Variants in PTPRD observed in about 807,000 individuals in gnomAD.
PTPRD encodes receptor-type tyrosine-protein phosphatase delta.
In PTPRD, 34 loss-of-function variants were observed where a neutral mutation model predicts 214.5. The observed-to-expected ratio is 0.16, with a 90% CI of 0.12 to 0.21. PTPRD has a LOEUF of 0.21. Ranked by LOEUF, PTPRD falls within the 10% of genes least tolerant of loss-of-function variation. PTPRD has a pLI of 1.00. For missense variants in PTPRD, 2,545 were observed against 2,398.7 expected (o/e 1.06, Z -1.27); for synonymous variants, 1,128 against 845.7 (o/e 1.33, Z -5.79).
At chr9:9,198,945 T>C (rs747517646) in intron 9 of PTPRD, among the ~76,000 whole-genome samples, 4 of 152,186 alleles carry the variant, frequency 2.6e-5, no homozygotes, top group Admixed American at 2.0e-4. Flanking sequence ...ATCAAGCAAC[T>C]TGGGTGACTT....
chr9:8,377,030 A>T (rs2083451557), intron 37 of PTPRD, among the ~76,000 whole-genome samples: 1 of 152,130 alleles, frequency 6.6e-6, no homozygotes, highest in African/African-American at 2.4e-5. Flanking sequence ...GTGAGCTTGA[A>T]GAGAAAACAA....
chr9:9,802,709 G>A lies in PTPRD; in HGVS notation c.-367-35858C>T, dbSNP rs537339263. On this transcript the variant is annotated intron_variant, in intron 5 of 45. Coordinates refer to ENST00000381196, the MANE Select transcript of PTPRD (RefSeq NM_002839.4). ...CCAGAATAGGACCTAGCTTATAGTT[G>A]GAGCTCAATAAATGCTTGTTGAATG... 3.3e-5 allele frequency among the ~76,000 whole-genome samples: 5 copies of A among 151,458 alleles called. No individual in the cohort carries two copies. In the East Asian group the frequency reaches 7.8e-4, roughly 24 times the overall value.
At chr9:8,970,678 A>C (rs2099232331) in intron 11 of PTPRD, among the ~76,000 whole-genome samples, 1 of 151,858 alleles carries the variant, frequency 6.6e-6, no homozygotes, top group South Asian at 2.1e-4. Flanking sequence ...GACATTACAA[A>C]AACTCAAATC....
chr9:10,512,320 T>G (rs1479757881), intron 2 of PTPRD, among the ~76,000 whole-genome samples: 1 of 151,844 alleles, frequency 6.6e-6, no homozygotes, highest in Non-Finnish European at 1.5e-5. Context: ...GAGTAGAAGA[T>G]TTCAAGAAAC....
intron 2 of PTPRD, among the ~76,000 whole-genome samples, chr9:10,563,782 A>G (rs1489323914): frequency 1.3e-5 from 2 of 152,026 alleles, no homozygotes; most frequent in Admixed American, 6.6e-5. Context: ...GATGTTGAGT[A>G]AAACAATTTT....
At chr9:8,655,381 G>T (rs1334403538) in intron 12 of PTPRD, among the ~76,000 whole-genome samples, 1 of 152,158 alleles carries the variant, frequency 6.6e-6, no homozygotes, top group African/African-American at 2.4e-5. Flanking sequence ...AGAATTTATT[G>T]TAACTTAGGG....
intron 5 of PTPRD, among the ~76,000 whole-genome samples, chr9:9,804,328 G>A (rs942324347): frequency 6.6e-6 from 1 of 151,980 alleles, no homozygotes; most frequent in African/African-American, 2.4e-5. Context: ...CTTGGAAATG[G>A]CTGGAAATAT....
intron 5 of PTPRD, among the ~76,000 whole-genome samples, chr9:9,785,785 A>G (rs2098918594): frequency 6.6e-6 from 1 of 152,182 alleles, no homozygotes; most frequent in African/African-American, 2.4e-5. Flanking sequence ...AATAAATTTT[A>G]CAATGGCTAT....
At chr9:9,299,844 T>C (rs1244836471) in intron 9 of PTPRD, among the ~76,000 whole-genome samples, 2 of 151,418 alleles carry the variant, frequency 1.3e-5, no homozygotes, top group Non-Finnish European at 3.0e-5. Context: ...AGTCTTTATG[T>C]TCTTGAGCAA....
chr9:9,236,372 T>A (rs942243061), intron 9 of PTPRD, among the ~76,000 whole-genome samples: 2 of 151,738 alleles, frequency 1.3e-5, no homozygotes, highest in African/African-American at 2.4e-5. Context: ...CACAAAGGAG[T>A]ATAAAAGCTA....
chr9:9,124,212 G>C (rs902318352), intron 10 of PTPRD, among the ~76,000 whole-genome samples: 1 of 152,118 alleles, frequency 6.6e-6, no homozygotes, highest in Non-Finnish European at 1.5e-5. Context: ...TGCAACAGTA[G>C]ACATTTTCCT....
At chr9:9,052,153 T>C (rs1181734459) in intron 10 of PTPRD, among the ~76,000 whole-genome samples, 1 of 152,168 alleles carries the variant, frequency 6.6e-6, no homozygotes, top group Non-Finnish European at 1.5e-5. Flanking sequence ...ACCTTCTCGC[T>C]GTGCTCCCAC....
At chr9:10,149,256 T>C (rs966103865) in intron 3 of PTPRD, among the ~76,000 whole-genome samples, 8 of 152,178 alleles carry the variant, frequency 5.3e-5, no homozygotes, top group African/African-American at 1.7e-4. Flanking sequence ...CCAATATTTT[T>C]ACTAAAACAT....
chr9:8,336,557 A>G (rs2132031489), intron 43 of PTPRD, among the ~76,000 whole-genome samples: 1 of 148,670 alleles, frequency 6.7e-6, no homozygotes, highest in South Asian at 2.1e-4. Flanking sequence ...GGACTAAAAC[A>G]CCAAAAGCAA....
intron 3 of PTPRD, among the ~76,000 whole-genome samples, chr9:10,236,372 T>C (rs16925582): frequency 0.033 from 4,944 of 152,052 alleles, 219 homozygotes; most frequent in East Asian, 0.22. Flanking sequence ...GCTCCTATCT[T>C]GACAGTTAGG....
At chr9:8,696,379 A>G (rs1222833059) in intron 12 of PTPRD, among the ~76,000 whole-genome samples, 1 of 152,214 alleles carries the variant, frequency 6.6e-6, no homozygotes, top group Admixed American at 6.5e-5. Flanking sequence ...TTGAACACCT[A>G]CTTGCACTAA....
chr9:8,794,483 T>C (rs1017306071), intron 11 of PTPRD, among the ~76,000 whole-genome samples: 28 of 151,662 alleles, frequency 1.8e-4, no homozygotes, highest in Non-Finnish European at 3.8e-4. Context: ...TCACACTCTC[T>C]AGTGACATTT....
intron 7 of PTPRD, among the ~76,000 whole-genome samples, chr9:9,635,740 C>T (rs1409705287): frequency 6.6e-6 from 1 of 152,182 alleles, no homozygotes; most frequent in Non-Finnish European, 1.5e-5. Context: ...AAGTCATTGT[C>T]AACACCACCT....
chr9:9,337,065 G>C (rs573596482), intron 9 of PTPRD, among the ~76,000 whole-genome samples: 38 of 152,204 alleles, frequency 2.5e-4, no homozygotes, highest in African/African-American at 8.9e-4. Flanking sequence ...TAACAGAGTG[G>C]AGGCTGACCT....
Sources: gnomAD v4.1 joint callset for allele counts (sites outside exome capture counted in the v4.1 genomes callset) on GRCh38, gnomAD v4.1.1 for gene constraint, MANE v1.5 for transcripts, NCBI Gene and HGNC (gene_info 2026-07-23, HGNC 2026-07-21) for gene names.